CHST9: variants seen among roughly 807,000 people sequenced by gnomAD.
The protein encoded by CHST9 is GalNAc-4-sulfotransferase 2.
In CHST9, 41 loss-of-function variants were observed where a neutral mutation model predicts 44.4. That is an observed-to-expected ratio of 0.92 (90% confidence interval 0.72 to 1.20). CHST9 has a LOEUF of 1.20. Ranked by LOEUF, CHST9 falls within the 50% of genes most tolerant of loss-of-function variation. CHST9 has a pLI of 0.00. For missense variants in CHST9, 504 were observed against 516.5 expected (o/e 0.98, Z 0.23); for synonymous variants, 171 against 178.4 (o/e 0.96, Z 0.33).
chr18:27,087,809 C>T (rs908302831), intron 2 of CHST9, among the ~76,000 whole-genome samples: 3 of 152,188 alleles, frequency 2.0e-5, no homozygotes, highest in African/African-American at 7.2e-5. Context: ...TAGCGAATGG[C>T]CTTTGTGAAA....
intron 4 of CHST9, among the ~76,000 whole-genome samples, chr18:27,013,402 T>C (rs1158487599): frequency 6.6e-6 from 1 of 152,250 alleles, no homozygotes; most frequent in East Asian, 1.9e-4. Context: ...TTAAATATTC[T>C]TTTATAATTT....
At chr18:27,139,667 A>G (rs1041674162) in intron 2 of CHST9, among the ~76,000 whole-genome samples, 113 of 152,174 alleles carry the variant, frequency 7.4e-4, no homozygotes, top group African/African-American at 2.6e-3. Context: ...TGACTTTTAC[A>G]TTTATGCTTT....
intron 2 of CHST9, among the ~76,000 whole-genome samples, chr18:27,137,354 G>A (rs866107073): frequency 0.014 from 1,622 of 115,472 alleles, 31 homozygotes; most frequent in African/African-American, 0.048. Flanking sequence ...GTGTGTGTGT[G>A]TATAGAGAGA....
intron 5 of CHST9, among the ~76,000 whole-genome samples, chr18:26,932,739 A>G (rs1180708949): frequency 6.6e-6 from 1 of 152,230 alleles, no homozygotes; most frequent in African/African-American, 2.4e-5. Context: ...CAGTTGCAGT[A>G]TCTTCAACTC....
At chr18:26,937,607 C>T (rs1330833391) in intron 5 of CHST9, among the ~76,000 whole-genome samples, 1 of 152,190 alleles carries the variant, frequency 6.6e-6, no homozygotes, top group Non-Finnish European at 1.5e-5. Flanking sequence ...GTTGCTCACA[C>T]TGTAGATAGC....
chr18:27,070,874 T>C (rs764600983), intron 2 of CHST9, among the ~76,000 whole-genome samples: 17 of 152,196 alleles, frequency 1.1e-4, no homozygotes, highest in Non-Finnish European at 2.2e-4. Context: ...TTTTGGTAGG[T>C]TTGGTCAGTG....
At chr18:27,159,171 C>G (rs1480073024) in intron 1 of CHST9, among the ~76,000 whole-genome samples, 11 of 152,206 alleles carry the variant, frequency 7.2e-5, no homozygotes, top group African/African-American at 2.6e-4. Flanking sequence ...TTTTAGACAT[C>G]AAGTTCTTGC....
At chr18:26,919,078 G>A (rs1244081926) in intron 5 of CHST9, among the ~76,000 whole-genome samples, 1 of 152,078 alleles carries the variant, frequency 6.6e-6, no homozygotes, top group East Asian at 1.9e-4. Flanking sequence ...ATCAAATCTT[G>A]TGAGACTTAT....
intron 1 of CHST9, among the ~76,000 whole-genome samples, chr18:27,182,978 T>A (rs2058925125): frequency 1.3e-5 from 2 of 152,186 alleles, no homozygotes; most frequent in Non-Finnish European, 2.9e-5. Context: ...ATACTAAGTT[T>A]CTGAAGTCAC....
chr18:26,971,934 G>A (rs1382061214), intron 4 of CHST9, among the ~76,000 whole-genome samples: 1 of 152,152 alleles, frequency 6.6e-6, no homozygotes, highest in Non-Finnish European at 1.5e-5. Flanking sequence ...TAATAGACAC[G>A]ATAGGTAAGT....
At chr18:27,088,192 G>A (rs1568167162) in intron 2 of CHST9, among the ~76,000 whole-genome samples, 1 of 152,108 alleles carries the variant, frequency 6.6e-6, no homozygotes, top group Non-Finnish European at 1.5e-5. Flanking sequence ...TTTACATACA[G>A]CCATAGGAGA....
chr18:27,116,132 T>C (rs1254598391), intron 2 of CHST9, among the ~76,000 whole-genome samples: 1 of 152,226 alleles, frequency 6.6e-6, no homozygotes, highest in Non-Finnish European at 1.5e-5. Context: ...ACAAAGTTTT[T>C]TAATGTTGAA....
chr18:26,974,926 C>T (rs1453977627), intron 4 of CHST9, among the ~76,000 whole-genome samples: 15 of 152,284 alleles, frequency 9.9e-5, no homozygotes, highest in African/African-American at 2.4e-4. Context: ...CCACCTGCCT[C>T]GGACTTCCAA....
intron 2 of CHST9, among the ~76,000 whole-genome samples, chr18:27,055,482 T>C (rs906501676): frequency 1.3e-5 from 2 of 152,126 alleles, no homozygotes; most frequent in African/African-American, 2.4e-5. Context: ...ATGCTTCCTT[T>C]ACAGACAGGG....
intron 4 of CHST9, among the ~76,000 whole-genome samples, chr18:26,969,943 C>T (rs1657316): frequency 0.64 from 97,920 of 152,084 alleles, 31,943 homozygotes; most frequent in African/African-American, 0.73. Context: ...GTTATCATTA[C>T]ATTTCTTGGT....
intron 2 of CHST9, among the ~76,000 whole-genome samples, chr18:27,095,605 G>C (rs1034265741): frequency 6.6e-6 from 1 of 152,032 alleles, no homozygotes; most frequent in African/African-American, 2.4e-5. Flanking sequence ...GATCTACCAT[G>C]GAAACGGAAA....
At chr18:26,999,690 A>G (rs2145224002) in intron 4 of CHST9, among the ~76,000 whole-genome samples, 1 of 152,266 alleles carries the variant, frequency 6.6e-6, no homozygotes, top group East Asian at 1.9e-4. Flanking sequence ...AGAAAGTTAT[A>G]TTTTTCTCTT....
At chr18:26,922,334 C>T (rs117991336) in intron 5 of CHST9, among the ~76,000 whole-genome samples, 2 of 152,258 alleles carry the variant, frequency 1.3e-5, no homozygotes, top group Non-Finnish European at 2.9e-5. Flanking sequence ...ATTCTACTCC[C>T]TTTGAAATGA....
chr18:27,142,388 T>G (rs1048404367), intron 2 of CHST9, among the ~76,000 whole-genome samples: 3 of 152,294 alleles, frequency 2.0e-5, no homozygotes, highest in Middle Eastern at 3.4e-3. Context: ...AGATAAGAAG[T>G]AGGATAAATG....
Sources: allele counts gnomAD v4.1 joint callset (sites outside exome capture counted in the v4.1 genomes callset), GRCh38; gene constraint gnomAD v4.1.1; transcripts MANE v1.5; gene names NCBI Gene and HGNC (gene_info 2026-07-23, HGNC 2026-07-21).